ZFYVE1: variants seen among roughly 807,000 people sequenced by gnomAD.
The protein encoded by ZFYVE1 is zinc finger FYVE-type containing 1.
Under a neutral mutation model 74.4 loss-of-function variants are expected in ZFYVE1, and 30 were observed. The ratio of observed to expected loss-of-function variants is 0.40; its 90% CI spans 0.30 to 0.55. The LOEUF (loss-of-function observed/expected upper bound fraction) is 0.55. Among genes scored for constraint, ZFYVE1 ranks in the 20% least tolerant of loss-of-function variants. ZFYVE1 has a pLI of 0.42. For missense variants in ZFYVE1, 703 were observed against 1,011.6 expected (o/e 0.69, Z 4.14); for synonymous variants, 335 against 385.1 (o/e 0.87, Z 1.52).
intron 2 of ZFYVE1, among the ~76,000 whole-genome samples, chr14:73,010,822 G>C (rs1894076518): frequency 8.0e-6 from 1 of 124,522 alleles, no homozygotes; most frequent in Non-Finnish European, 1.7e-5. Flanking sequence ...AAAAATTATA[G>C]AGTCAGGGTT....
intron 2 of ZFYVE1, among the ~76,000 whole-genome samples, chr14:73,012,547 A>T (rs1189043303): frequency 6.6e-6 from 1 of 152,024 alleles, no homozygotes; most frequent in Non-Finnish European, 1.5e-5. Context: ...GCTTGAACCC[A>T]GGAGGCGGAG....
At chr14:72,981,920 T>C (rs1282739373) in intron 4 of ZFYVE1, 25 bp from the exon 5 acceptor site, 2 of 1,608,988 alleles carry the variant, frequency 1.2e-6, no homozygotes, top group Non-Finnish European at 1.7e-6. Flanking sequence ...AGGTGACATA[T>C]GATGGCACTC....
intron 3 of ZFYVE1, 46 bp from the exon 4 acceptor site, chr14:72,993,403 A>AAG (rs763660550): frequency 4.4e-5 from 42 of 960,362 alleles, no homozygotes; most frequent in South Asian, 8.6e-5. Flanking sequence ...GTGACATTTA[A>AAG]AAAAAAAAAA....
chr14:72,999,620 C>T (rs1893826751), intron 2 of ZFYVE1, among the ~76,000 whole-genome samples: 1 of 151,602 alleles, frequency 6.6e-6, no homozygotes, highest in African/African-American at 2.4e-5. Context: ...TGGAAGAAAA[C>T]ATTTGTAGAT....
At chr14:73,007,252 G>A (rs1386458163) in intron 2 of ZFYVE1, among the ~76,000 whole-genome samples, 1 of 152,172 alleles carries the variant, frequency 6.6e-6, no homozygotes, top group African/African-American at 2.4e-5. Context: ...ACACAGCACA[G>A]TCAGAGATTC....
At chr14:72,979,953 G>T (rs965205064) in intron 5 of ZFYVE1, among the ~76,000 whole-genome samples, 4 of 152,146 alleles carry the variant, frequency 2.6e-5, no homozygotes, top group African/African-American at 9.7e-5. Context: ...CAGAGATCAG[G>T]ACTTTAGAAT....
chr14:72,989,808 A>C (rs1893566006), intron 4 of ZFYVE1, among the ~76,000 whole-genome samples: 2 of 152,158 alleles, frequency 1.3e-5, no homozygotes, highest in Admixed American at 6.6e-5. Context: ...AAAAGAAAAA[A>C]AAAGAAAAAG....
intron 4 of ZFYVE1, among the ~76,000 whole-genome samples, chr14:72,990,689 CTTT>C (rs369030778): frequency 0.028 from 1,879 of 66,508 alleles, 17 homozygotes; most frequent in Non-Finnish European, 0.044. Flanking sequence ...CGCACCTGGC[CTTT>C]TTTTTTTTTT....
intron 4 of ZFYVE1, among the ~76,000 whole-genome samples, chr14:72,991,911 CTTT>C (rs538080797): frequency 1.4e-5 from 2 of 145,164 alleles, no homozygotes; most frequent in African/African-American, 2.5e-5. Flanking sequence ...AAATCTCCCT[CTTT>C]TTTTTTTTTT....
Position 72,969,547 on chromosome 14 carries a change from G to A in ZFYVE1, c.*1335C>T, listed in dbSNP as rs910372083. On this transcript the variant is annotated 3_prime_UTR_variant, in exon 12 of 12. Transcript: ENST00000556143. Reference sequence around the variant, plus strand: ...CCCAGGAGGCAGGAGGAGCAGGGCTGAGAGGGACGACACACTCCAGGGCTC... The same window carrying A: ...CCCAGGAGGCAGGAGGAGCAGGGCTAAGAGGGACGACACACTCCAGGGCTC... The A allele has an allele frequency of 2.8e-5, 17 of 611,312 alleles. No individual in the cohort carries two copies. The highest frequency in any genetic ancestry group is 7.8e-5 in the South Asian group (4 of 50,990). The allele number at this position is 611,312 out of a possible 1,614,324, so 37.9% of individuals were successfully genotyped here. A position where few individuals can be genotyped will look rare whatever the true frequency, so the allele number is the denominator to read the frequency against.
chr14:72,973,051 A>G (rs1893075860), intron 11 of ZFYVE1, among the ~76,000 whole-genome samples: 1 of 152,152 alleles, frequency 6.6e-6, no homozygotes, highest in African/African-American at 2.4e-5. Context: ...GGTGTGACAG[A>G]CTAAAGACAG....
chr14:72,997,862 G>A lies in ZFYVE1; in HGVS notation c.937C>T (p.Pro313Ser). The change falls in exon 3 of 12, where the codon CCT becomes TCT. Residue 313 changes from proline (P) to serine (S), a missense_variant. Physicochemically the swap from Pro to Ser is moderately conservative, Grantham distance 74. Transcript: ENST00000556143. The part of the protein sequence containing the change: ...GLDVPLSTLG[P>S]AVIIFHETVH... ...GTCTCATGGAAGATGATAACTGCAGGGCCCAGTGTGGATAAAGGGACATCC... is the reference window on the plus strand; with the variant it reads ...GTCTCATGGAAGATGATAACTGCAGAGCCCAGTGTGGATAAAGGGACATCC... The A allele has an allele frequency of 6.2e-7, 1 of 1,610,702 alleles. No individual in the cohort carries two copies. The highest frequency in any genetic ancestry group is 8.5e-7 in the Non-Finnish European group (1 of 1,177,176).
chr14:73,021,983 C>T (rs1567365976), intron 2 of ZFYVE1, among the ~76,000 whole-genome samples: 1 of 152,200 alleles, frequency 6.6e-6, no homozygotes, highest in East Asian at 1.9e-4. Context: ...ACTAGTTCAT[C>T]CCAAAGCTTC....
In ZFYVE1 at chr14:72,975,503, G is replaced by A. The variant is rs1369529240; in HGVS notation, c.1806+48C>T. ...TTAGCACAGGGCAAAGCGGCATTAA[G>A]TAGGATGGGCTGTGCCAGGAGTGGA... On this transcript the variant is annotated intron_variant, in intron 9 of 11. Transcript: ENST00000556143. The surrounding 1 kb of genome is among the most constrained non-coding windows in gnomAD (Gnocchi z 4.1). 1 of 1,574,158 alleles carries A rather than the reference G, an allele frequency of 6.4e-7. No homozygotes were observed. Among genetic ancestry groups the A allele is most frequent in the Non-Finnish European group, 8.6e-7 (1 of 1,160,810 alleles).
At chr14:72,981,296 G>T (rs1056986485) in intron 5 of ZFYVE1, among the ~76,000 whole-genome samples, 3 of 152,106 alleles carry the variant, frequency 2.0e-5, no homozygotes, top group African/African-American at 7.2e-5. Context: ...AATTTTGAAA[G>T]CTCCCCAGAA....
intron 5 of ZFYVE1, among the ~76,000 whole-genome samples, chr14:72,981,277 G>C (rs939355765): frequency 1.3e-5 from 2 of 152,082 alleles, no homozygotes; most frequent in Admixed American, 1.3e-4. Context: ...GTGGTGCCCT[G>C]GCATAAATAA....
intron 4 of ZFYVE1, among the ~76,000 whole-genome samples, chr14:72,989,515 T>C (rs1893559365): frequency 6.6e-6 from 1 of 152,196 alleles, no homozygotes; most frequent in South Asian, 2.1e-4. Flanking sequence ...GTACTTGAAT[T>C]GTTTATCATG....
intron 4 of ZFYVE1, among the ~76,000 whole-genome samples, chr14:72,991,658 T>C (rs1252007211): frequency 1.3e-5 from 2 of 152,216 alleles, no homozygotes; most frequent in Non-Finnish European, 2.9e-5. Flanking sequence ...AAGCGTCATC[T>C]TCCGTTTTCA....
Position 72,970,624 on chromosome 14 carries a change from C to A in ZFYVE1, c.*258G>T. 1.8e-6 allele frequency: 1 copy of A among 543,738 alleles called. No individual in the cohort carries two copies. The highest frequency in any genetic ancestry group is 3.3e-6 in the Non-Finnish European group (1 of 302,370). 33.7% of individuals were successfully genotyped at this position (543,738 alleles called of 1,614,324 possible). A position where few individuals can be genotyped will look rare whatever the true frequency, so the allele number is the denominator to read the frequency against. On this transcript the variant is annotated 3_prime_UTR_variant, in exon 12 of 12. Transcript: ENST00000556143. ...AGAGAGAGATATACACATATATATTCATTATTTTTAACTGAAATAAATGCA... is the reference window on the plus strand; with the variant it reads ...AGAGAGAGATATACACATATATATTAATTATTTTTAACTGAAATAAATGCA...
Sources: allele counts gnomAD v4.1 joint callset (sites outside exome capture counted in the v4.1 genomes callset), GRCh38; gene constraint gnomAD v4.1.1; non-coding constraint Gnocchi (gnomAD v3.1); transcripts MANE v1.5; gene names NCBI Gene and HGNC (gene_info 2026-07-23, HGNC 2026-07-21).